Variants in ME2 observed in about 807,000 individuals in gnomAD.
The protein encoded by ME2 is malic enzyme 2, also known as NAD-dependent malic enzyme, mitochondrial.
In ME2, 60 loss-of-function variants were observed where a neutral mutation model predicts 73.7. The ratio of observed to expected loss-of-function variants is 0.81; its 90% CI spans 0.66 to 1.01. The LOEUF is 1.01. Among genes scored for constraint, ME2 ranks in the 50% least tolerant of loss-of-function variants. ME2 has a pLI of 0.00. For synonymous variants in ME2, 199 were observed against 236.9 expected (o/e 0.84, Z 1.47); for missense variants, 594 against 705.5 (o/e 0.84, Z 1.79).
At chr18:50,884,188 A>G (rs755794967) in intron 1 of ME2, among the ~76,000 whole-genome samples, 9 of 151,978 alleles carry the variant, frequency 5.9e-5, no homozygotes, top group Non-Finnish European at 1.0e-4. Flanking sequence ...ATTTTACTCT[A>G]TCACTTGCTA....
Position 50,908,239 on chromosome 18 carries a change from T to C in ME2, c.242+43T>C, listed in dbSNP as rs777810415. ...GTTTCTTTTTTTATTGGTATTCTGATTAGAAAACTTATGAGCATTATGGTT... is the reference window on the plus strand; with the variant it reads ...GTTTCTTTTTTTATTGGTATTCTGACTAGAAAACTTATGAGCATTATGGTT... On this transcript the variant is annotated intron_variant, in intron 3 of 15. Coordinates refer to ENST00000321341, the MANE Select transcript of ME2 (RefSeq NM_002396.5). 16 of 1,444,392 alleles carry C rather than the reference T, an allele frequency of 1.1e-5. No individual in the cohort carries two copies. The Admixed American group carries it at 3.5e-4, about 32-fold the overall frequency. The allele number at this position is 1,444,392 out of a possible 1,614,324, so 89.5% of individuals were successfully genotyped here. A position where few individuals can be genotyped will look rare whatever the true frequency, so the allele number is the denominator to read the frequency against.
intron 4 of ME2, among the ~76,000 whole-genome samples, chr18:50,915,036 T>C (rs1177798316): frequency 2.0e-5 from 3 of 152,116 alleles, no homozygotes; most frequent in Non-Finnish European, 4.4e-5. Context: ...TGAAGGTCCA[T>C]TTATACTCAG....
At chr18:50,905,341 C>T (rs933610502) in intron 2 of ME2, among the ~76,000 whole-genome samples, 2 of 152,106 alleles carry the variant, frequency 1.3e-5, no homozygotes, top group Admixed American at 1.3e-4. Context: ...TCTTGGGTGA[C>T]CTATTTTTAA....
At chr18:50,941,312 T>C (rs1917949699) in intron 15 of ME2, among the ~76,000 whole-genome samples, 2 of 147,910 alleles carry the variant, frequency 1.4e-5, no homozygotes, top group Admixed American at 6.7e-5. Context: ...AATGAACATC[T>C]GTCTTTACAG....
chr18:50,929,882 C>G (rs1227430867), intron 12 of ME2, among the ~76,000 whole-genome samples: 2 of 151,900 alleles, frequency 1.3e-5, no homozygotes, highest in Non-Finnish European at 2.9e-5. Context: ...TTAAGTGTTT[C>G]GAGTAGTAGT....
chr18:50,927,438 C>T (rs1303224783), intron 12 of ME2, among the ~76,000 whole-genome samples: 8 of 151,896 alleles, frequency 5.3e-5, no homozygotes, highest in Admixed American at 2.6e-4. Context: ...CGGTGGCTCA[C>T]GCCTGTAATC....
chr18:50,938,189 G>A (rs921938377), intron 13 of ME2, among the ~76,000 whole-genome samples: 2 of 152,234 alleles, frequency 1.3e-5, no homozygotes, highest in South Asian at 4.1e-4. Flanking sequence ...TTAGCCAGGT[G>A]CGATGGTACA....
rs775638732 is a variant in ME2, at chr18:50,920,479, A to C, written c.758A>C (p.Gln253Pro). Reference sequence around the variant, plus strand: ...AGATATGGCCGGAACACACTCATTCAGTTCGAAGACTTTGGAAATCATAAT... The same window carrying C: ...AGATATGGCCGGAACACACTCATTCCGTTCGAAGACTTTGGAAATCATAAT... ...TDRYGRNTLI[Q>P]FEDFGNHNAF... is the part of the protein sequence containing the mutation. The change falls in exon 8 of 16, where the codon CAG becomes CCG. Residue 253 changes from glutamine (Q) to proline (P), a missense_variant. Gln to Pro is a moderately conservative substitution (Grantham distance 76). Coordinates refer to ENST00000321341, the MANE Select transcript of ME2 (RefSeq NM_002396.5). 6.3e-6 allele frequency: 10 copies of C among 1,599,002 alleles called. No individual in the cohort carries two copies. In the South Asian group the frequency reaches 1.2e-4, roughly 18 times the overall value.
rs942040529 is a variant in ME2 at position 50,950,358 on chromosome 18, C to T, written c.*3174C>T. ...CTCTTCAGGAGGACCCCTGACACAC[C>T]GATTCTGCCCTCACAATCACTGCCT... On this transcript the variant is annotated 3_prime_UTR_variant, in exon 16 of 16. Coordinates refer to ENST00000321341, the MANE Select transcript of ME2 (RefSeq NM_002396.5). 2 of 152,024 alleles carry T rather than the reference C, an allele frequency of 1.3e-5. No individual in the cohort carries two copies. Among genetic ancestry groups the T allele is most frequent in the African/African-American group, 2.4e-5 (1 of 41,346 alleles). 9.4% of individuals were successfully genotyped at this position (152,024 alleles called of 1,614,324 possible). A position where few individuals can be genotyped will look rare whatever the true frequency, so the allele number is the denominator to read the frequency against.
rs759969928 is a variant in ME2, at chr18:50,916,237, T to C, written c.462T>C (p.His154=). 1 of 1,610,684 alleles carries C rather than the reference T, an allele frequency of 6.2e-7. No individual in the cohort carries two copies. The highest frequency in any genetic ancestry group is 8.5e-7 in the Non-Finnish European group (1 of 1,177,394). The change falls in exon 5 of 16, where the codon CAT becomes CAC. Residue 154 remains histidine (H), a synonymous_variant. Coordinates refer to ENST00000321341, the MANE Select transcript of ME2 (RefSeq NM_002396.5). ...RSIVDNWPEN[H]VKAVVVTDGE... is the part of the protein sequence containing the mutation. ...TTGTGGATAACTGGCCAGAAAATCA[T>C]GTTAAGGTACTAATAGCACAACCCT...
chr18:50,939,434 C>G (rs1056357828), intron 13 of ME2, 136 bp from the exon 14 acceptor site: 7 of 552,966 alleles, frequency 1.3e-5, no homozygotes, highest in Non-Finnish European at 2.3e-5. Flanking sequence ...ATTTCTGTTT[C>G]TTCTTGGCTG....
intron 15 of ME2, among the ~76,000 whole-genome samples, chr18:50,944,345 A>G (rs1918034717): frequency 6.6e-6 from 1 of 152,198 alleles, no homozygotes; most frequent in African/African-American, 2.4e-5. Context: ...GCGTTTCCCC[A>G]GAGGCAGGAG....
chr18:50,914,174 C>T (rs542785409), intron 4 of ME2, among the ~76,000 whole-genome samples: 38 of 152,270 alleles, frequency 2.5e-4, no homozygotes, highest in African/African-American at 8.7e-4. Flanking sequence ...TTAGTGAGCA[C>T]CCTCAGTGAT....
chr18:50,925,687 A>G, intron 11 of ME2, 69 bp from the exon 12 acceptor site: 1 of 1,307,950 alleles, frequency 7.6e-7, no homozygotes, highest in Non-Finnish European at 1.1e-6. Flanking sequence ...CTATTGTAGA[A>G]ATGCTATTGA....
chr18:50,912,742 C>G, intron 3 of ME2, 59 bp from the exon 4 acceptor site: 5 of 1,314,360 alleles, frequency 3.8e-6, no homozygotes, highest in Non-Finnish European at 5.0e-6. Flanking sequence ...CTTTCATAAG[C>G]CAAGACTTTT....
chr18:50,935,764 A>AAG, intron 13 of ME2: 1 of 151,544 alleles, frequency 6.6e-6, no homozygotes, highest in East Asian at 1.9e-4. Context: ...AAAAAAAAAA[A>AAG]AAAAAAAAGA....
At chr18:50,898,482 G>A (rs1916806772) in intron 2 of ME2, among the ~76,000 whole-genome samples, 2 of 152,116 alleles carry the variant, frequency 1.3e-5, no homozygotes, top group Non-Finnish European at 1.5e-5. Flanking sequence ...CCAGGCTGGA[G>A]TGCAATGACA....
chr18:50,952,396 A>T lies in ME2; in HGVS notation c.*5212A>T, dbSNP rs771533721. 1.5e-4 allele frequency: 23 copies of T among 152,244 alleles called. No homozygotes were observed. Among genetic ancestry groups the T allele is most frequent in the Non-Finnish European group, 2.6e-4 (18 of 68,046 alleles). 9.4% of individuals were successfully genotyped at this position (152,244 alleles called of 1,614,324 possible). The stretch of plus-strand genomic sequence containing the variant: ...ATAGATTAGTGATTAGATTTTAAAA[A>T]CATTATTTTCCTTTCTTGAATAAGG... On this transcript the variant is annotated 3_prime_UTR_variant, in exon 16 of 16. Coordinates refer to ENST00000321341, the MANE Select transcript of ME2 (RefSeq NM_002396.5).
At chr18:50,932,110 C>T (rs527349497) in intron 12 of ME2, 148 bp from the exon 13 acceptor site, 9 of 517,432 alleles carry the variant, frequency 1.7e-5, no homozygotes, top group South Asian at 7.9e-5. Context: ...AGGATTGTAA[C>T]GAAAAGATTG....
Sources: allele counts gnomAD v4.1 joint callset (sites outside exome capture counted in the v4.1 genomes callset), GRCh38; gene constraint gnomAD v4.1.1; transcripts MANE v1.5; gene names NCBI Gene and HGNC (gene_info 2026-07-23, HGNC 2026-07-21).